GRIK2: variants seen among roughly 807,000 people sequenced by gnomAD.
GRIK2 encodes the protein glutamate receptor ionotropic, kainate 2.
Under a neutral mutation model 100.3 loss-of-function variants are expected in GRIK2, and 32 were observed. The ratio of observed to expected loss-of-function variants is 0.32; its 90% CI spans 0.24 to 0.43. The LOEUF is 0.43. Ranked by LOEUF, GRIK2 falls within the 20% of genes least tolerant of loss-of-function variation. The pLI, the probability that GRIK2 is intolerant of heterozygous loss-of-function variation, is 1.00. For missense variants in GRIK2, 843 were observed against 1,114.9 expected, an observed-to-expected ratio of 0.76 and a Z score of 3.47; for synonymous variants, 417 against 389.4, an observed-to-expected ratio of 1.07 and a Z score of -0.83.
chr6:102,026,163 G>C (rs913725385), intron 14 of GRIK2, among the ~76,000 whole-genome samples: 19 of 127,502 alleles, frequency 1.5e-4, no homozygotes, highest in African/African-American at 5.6e-4. Context: ...TATGAAGACA[G>C]TAGGTATATG....
At chr6:101,940,510 A>G (rs1056358165) in intron 14 of GRIK2, among the ~76,000 whole-genome samples, 1 of 152,140 alleles carries the variant, frequency 6.6e-6, no homozygotes. Flanking sequence ...ACCATGTAAT[A>G]GCTGTCACGT....
At chr6:101,457,453 A>AT (rs540059815) in intron 2 of GRIK2, among the ~76,000 whole-genome samples, 1 of 151,940 alleles carries the variant, frequency 6.6e-6, no homozygotes, top group East Asian at 1.9e-4. Context: ...GATTTCAGCA[A>AT]TTTTTTTTCA....
chr6:101,522,315 T>G (rs2749053), intron 2 of GRIK2, among the ~76,000 whole-genome samples: 1 of 152,136 alleles, frequency 6.6e-6, no homozygotes, highest in Admixed American at 6.5e-5. Flanking sequence ...TTTCTCCTTT[T>G]GAGTCTCTGT....
At chr6:101,980,645 T>C (rs1793657727) in intron 14 of GRIK2, among the ~76,000 whole-genome samples, 1 of 151,338 alleles carries the variant, frequency 6.6e-6, no homozygotes, top group Admixed American at 6.6e-5. Context: ...TGTGTATACT[T>C]GTATAATATT....
intron 2 of GRIK2, among the ~76,000 whole-genome samples, chr6:101,440,312 A>G (rs1351983502): frequency 6.6e-6 from 1 of 152,200 alleles, no homozygotes; most frequent in East Asian, 1.9e-4. Flanking sequence ...ATTAACAAAA[A>G]CTGGACAGAA....
chr6:101,567,242 T>C (rs1486693427), intron 2 of GRIK2, among the ~76,000 whole-genome samples: 1 of 151,910 alleles, frequency 6.6e-6, no homozygotes, highest in African/African-American at 2.4e-5. Context: ...TTGATTCTTG[T>C]TCATTCACAT....
chr6:101,616,730 A>G (rs1274325949), intron 2 of GRIK2, among the ~76,000 whole-genome samples: 1 of 151,780 alleles, frequency 6.6e-6, no homozygotes, highest in African/African-American at 2.4e-5. Flanking sequence ...AAGGACTTCA[A>G]TAAAGTTTGT....
At chr6:101,982,381 A>G (rs1356571264) in intron 14 of GRIK2, among the ~76,000 whole-genome samples, 1 of 151,834 alleles carries the variant, frequency 6.6e-6, no homozygotes, top group Non-Finnish European at 1.5e-5. Context: ...TGCTTTTTGT[A>G]TATGCAGCCA....
intron 7 of GRIK2, among the ~76,000 whole-genome samples, chr6:101,756,393 T>C (rs1777140423): frequency 7.0e-6 from 1 of 142,972 alleles, no homozygotes; most frequent in South Asian, 2.1e-4. Context: ...ATAATCTACA[T>C]TTATAAATGG....
At chr6:101,937,991 A>T (rs966784831) in intron 14 of GRIK2, among the ~76,000 whole-genome samples, 1 of 152,070 alleles carries the variant, frequency 6.6e-6, no homozygotes, top group Non-Finnish European at 1.5e-5. Context: ...ACTAATTAGC[A>T]TCTTTGGTCA....
At chr6:101,903,845 C>T (rs1267721640) in intron 12 of GRIK2, among the ~76,000 whole-genome samples, 1 of 150,994 alleles carries the variant, frequency 6.6e-6, no homozygotes, top group Non-Finnish European at 1.5e-5. Context: ...AATATAAATG[C>T]ATCATAGCAT....
chr6:101,760,061 G>T (rs574441466), intron 7 of GRIK2, among the ~76,000 whole-genome samples: 24 of 139,790 alleles, frequency 1.7e-4, no homozygotes, highest in African/African-American at 6.5e-4. Context: ...AGTAGAGACG[G>T]GGTTTCACCT....
intron 9 of GRIK2, among the ~76,000 whole-genome samples, chr6:101,814,684 C>T (rs577119211): frequency 6.6e-6 from 1 of 152,168 alleles, no homozygotes; most frequent in Admixed American, 6.5e-5. Context: ...CTCAGTCATT[C>T]TAATTCTAGA....
chr6:101,580,664 C>T (rs1018077996), intron 2 of GRIK2, among the ~76,000 whole-genome samples: 2 of 152,090 alleles, frequency 1.3e-5, no homozygotes, highest in African/African-American at 4.8e-5. Context: ...AACTAACCCC[C>T]ACTTCCCACC....
chr6:101,929,353 T>C (rs1418534836), intron 14 of GRIK2, among the ~76,000 whole-genome samples: 1 of 152,208 alleles, frequency 6.6e-6, no homozygotes, highest in East Asian at 1.9e-4. Flanking sequence ...TATAATTCCT[T>C]TTGTATCTTA....
intron 2 of GRIK2, among the ~76,000 whole-genome samples, chr6:101,496,705 GT>G (rs1360702690): frequency 6.6e-6 from 1 of 152,094 alleles, no homozygotes; most frequent in Non-Finnish European, 1.5e-5. Flanking sequence ...GTATTTTTGG[GT>G]TTTGTAATGT....
intron 14 of GRIK2, among the ~76,000 whole-genome samples, chr6:102,011,742 G>A (rs574033444): frequency 6.6e-6 from 1 of 151,438 alleles, no homozygotes; most frequent in African/African-American, 2.4e-5. Context: ...CTGCCACCAC[G>A]CCCGGCTAAT....
intron 2 of GRIK2, among the ~76,000 whole-genome samples, chr6:101,436,797 A>T (rs551365356): frequency 6.6e-6 from 1 of 150,692 alleles, no homozygotes; most frequent in Admixed American, 6.6e-5. Context: ...TATTATTATT[A>T]TTTTTTATTA....
chr6:101,853,468 C>G (rs763960639), intron 10 of GRIK2, among the ~76,000 whole-genome samples: 1 of 152,174 alleles, frequency 6.6e-6, no homozygotes, highest in Non-Finnish European at 1.5e-5. Context: ...AGCAACAAAG[C>G]CTCTCATTTC....
Sources: gnomAD v4.1 joint callset for allele counts (sites outside exome capture counted in the v4.1 genomes callset) on GRCh38, gnomAD v4.1.1 for gene constraint, MANE v1.5 for transcripts, NCBI Gene and HGNC (gene_info 2026-07-23, HGNC 2026-07-21) for gene names.